ATXN7: variants seen among roughly 807,000 people sequenced by gnomAD.
ATXN7 encodes the protein ataxin-7.
Under a neutral mutation model 70.5 loss-of-function variants are expected in ATXN7, and 12 were observed. That is an observed-to-expected ratio of 0.17 (90% confidence interval 0.11 to 0.28). ATXN7 has a LOEUF of 0.28. ATXN7 is among the 10% of genes least tolerant of loss of function. The pLI, the probability that ATXN7 is intolerant of heterozygous loss-of-function variation, is 1.00. For missense variants in ATXN7, 1,256 were observed against 1,131.7 expected, an observed-to-expected ratio of 1.11 and a Z score of -1.58; for synonymous variants, 498 against 448.7, an observed-to-expected ratio of 1.11 and a Z score of -1.39.
At chr3:63,934,239 C>G (rs1197607745) in intron 4 of ATXN7, among the ~76,000 whole-genome samples, 4 of 152,202 alleles carry the variant, frequency 2.6e-5, no homozygotes, top group Non-Finnish European at 4.4e-5. Flanking sequence ...ACAGCCTACT[C>G]ATTCCTGCCT....
At chr3:63,988,619 C>G (rs1170230573) in intron 9 of ATXN7, 1 of 360,760 alleles carries the variant, frequency 2.8e-6, no homozygotes, top group Non-Finnish European at 5.0e-6. Flanking sequence ...TGGGTCCTTC[C>G]TGCGGGTTAG....
intron 5 of ATXN7, among the ~76,000 whole-genome samples, chr3:63,956,583 G>C (rs2075042496): frequency 6.6e-6 from 1 of 152,252 alleles, no homozygotes; most frequent in Non-Finnish European, 1.5e-5. Flanking sequence ...CAGATGCTCT[G>C]AGTGGGAATT....
At chr3:63,920,241 C>G (rs1224578035) in intron 4 of ATXN7, among the ~76,000 whole-genome samples, 2 of 152,118 alleles carry the variant, frequency 1.3e-5, no homozygotes, top group African/African-American at 4.8e-5. Context: ...GGTTCCCAAG[C>G]TGTGTCCAAT....
intron 4 of ATXN7, among the ~76,000 whole-genome samples, chr3:63,929,851 C>T (rs1039754709): frequency 6.6e-6 from 1 of 152,222 alleles, no homozygotes; most frequent in African/African-American, 2.4e-5. Context: ...GGAGTTTGCT[C>T]AAAGACCAGG....
intron 1 of ATXN7, among the ~76,000 whole-genome samples, chr3:63,876,971 A>G (rs903148333): frequency 6.6e-5 from 10 of 152,196 alleles, no homozygotes; most frequent in African/African-American, 1.9e-4. Context: ...TGAAGCATCT[A>G]AATTGTCTCA....
intron 1 of ATXN7, among the ~76,000 whole-genome samples, chr3:63,878,936 T>C (rs832195): frequency 0.65 from 98,456 of 151,946 alleles, 32,477 homozygotes; most frequent in South Asian, 0.72. Context: ...TTGGCCAGAC[T>C]CACCTGGAAG....
In ATXN7 at chr3:64,001,711, T is replaced by C. The variant is rs551056959; in HGVS notation, c.*2244T>C. The stretch of plus-strand genomic sequence containing the variant: ...AGCATCGGGATTAGGAAATTAGCCA[T>C]TTTGGATTCTGTCTGCCACAAACAG... On this transcript the variant is annotated 3_prime_UTR_variant, in exon 13 of 13. Transcript: ENST00000674280. 1 of 152,328 alleles carries C rather than the reference T, an allele frequency of 6.6e-6. No individual in the cohort carries two copies. The highest frequency in any genetic ancestry group is 2.4e-5 in the African/African-American group (1 of 41,582). The allele number at this position is 152,328 out of a possible 1,614,324, so 9.4% of individuals were successfully genotyped here. A position where few individuals can be genotyped will look rare whatever the true frequency, so the allele number is the denominator to read the frequency against.
At chr3:63,935,790 C>G (rs2074651936) in intron 4 of ATXN7, among the ~76,000 whole-genome samples, 1 of 151,802 alleles carries the variant, frequency 6.6e-6, no homozygotes, top group Non-Finnish European at 1.5e-5. Flanking sequence ...TTTGCCCTTT[C>G]AGCAATGAGT....
intron 4 of ATXN7, among the ~76,000 whole-genome samples, chr3:63,920,360 A>T (rs1409770786): frequency 6.6e-6 from 1 of 152,172 alleles, no homozygotes; most frequent in Admixed American, 6.5e-5. Flanking sequence ...CATTTTACAG[A>T]TGAGGAAACT....
intron 12 of ATXN7, 126 bp from the exon 13 acceptor site, chr3:63,999,324 C>T: frequency 1.3e-6 from 1 of 749,778 alleles, no homozygotes; most frequent in African/African-American, 1.7e-5. Context: ...TTCCTGGTGT[C>T]ACTCAGTCAA....
At position 63,986,039 on chromosome 3, in the gene ATXN7, C is replaced by T. The variant is rs193100677; in HGVS notation, c.1096-2020C>T. Among the ~76,000 whole-genome samples the T allele has an allele frequency of 6.6e-5, 10 of 152,314 alleles. No homozygotes were observed. The East Asian group carries it at 1.9e-3, about 29-fold the overall frequency. ...ATGAAGTTTTTCCAGGGAAGGCTTT[C>T]TTGCCATAGGAACATTGGGCTGAAA... On this transcript the variant is annotated intron_variant, in intron 8 of 12. Coordinates refer to ENST00000674280, the MANE Select transcript of ATXN7 (RefSeq NM_001377405.1).
At chr3:63,869,497 C>G (rs1271352879) in intron 1 of ATXN7, among the ~76,000 whole-genome samples, 2 of 152,062 alleles carry the variant, frequency 1.3e-5, no homozygotes, top group South Asian at 4.1e-4. Flanking sequence ...GATCTTGGCT[C>G]ACTGCAACTC....
chr3:63,992,860 G>GAGT (rs2075693848), intron 11 of ATXN7, among the ~76,000 whole-genome samples: 1 of 152,158 alleles, frequency 6.6e-6, no homozygotes, highest in Admixed American at 6.5e-5. Context: ...CCCAACATAG[G>GAGT]AGTGCTGGCG....
rs542506186 is a variant in ATXN7, at chr3:63,984,176, G to A, written c.1095+1155G>A. Among the ~76,000 whole-genome samples the A allele has an allele frequency of 7.3e-5, 11 of 151,460 alleles. No homozygotes were observed. The South Asian group carries it at 2.1e-3, about 29-fold the overall frequency. On this transcript the variant is annotated intron_variant, in intron 8 of 12. Coordinates refer to ENST00000674280, the MANE Select transcript of ATXN7 (RefSeq NM_001377405.1). ...GGTTCAGAACCTTTTTGGGGAAAAG[G>A]GTTGGTCAAGAGTACCTTTAAATAT... is the stretch of plus-strand genomic sequence containing the variant.
chr3:63,908,888 A>C (rs577913392), intron 2 of ATXN7, among the ~76,000 whole-genome samples: 1 of 152,330 alleles, frequency 6.6e-6, no homozygotes, highest in East Asian at 1.9e-4. Context: ...CATTTTAAAT[A>C]TGTCCTTGGA....
At chr3:63,997,727 C>CT in intron 12 of ATXN7, 1 of 1,548,540 alleles carries the variant, frequency 6.5e-7, no homozygotes. Context: ...CCTTCCTCGT[C>CT]TTCAGAACTT....
At chr3:63,968,691 T>A (rs546596591) in intron 5 of ATXN7, among the ~76,000 whole-genome samples, 15 of 152,266 alleles carry the variant, frequency 9.9e-5, no homozygotes, top group Middle Eastern at 3.4e-3. Flanking sequence ...TGATTTTTTT[T>A]AGTTGTGTTA....
intron 9 of ATXN7, chr3:63,988,590 CTGTT>C (rs1575994471): frequency 4.9e-6 from 2 of 407,790 alleles, no homozygotes; most frequent in East Asian, 1.1e-4. Flanking sequence ...TGTCTCAACT[CTGTT>C]GAGCAGGCAG....
At chr3:63,984,258 C>A (rs985155685) in intron 8 of ATXN7, among the ~76,000 whole-genome samples, 2 of 151,460 alleles carry the variant, frequency 1.3e-5, no homozygotes, top group Non-Finnish European at 2.9e-5. Context: ...ATAGTGCATA[C>A]ACATACACAT....
Sources: gnomAD v4.1 joint callset for allele counts (sites outside exome capture counted in the v4.1 genomes callset) on GRCh38, gnomAD v4.1.1 for gene constraint, MANE v1.5 for transcripts, NCBI Gene and HGNC (gene_info 2026-07-23, HGNC 2026-07-21) for gene names.